The following TRAPPC12 variants were observed in gnomAD, a reference collection of about 807,000 sequenced individuals.
TRAPPC12 encodes TPR repeat protein 15.
In TRAPPC12, 61 loss-of-function variants were observed where a neutral mutation model predicts 69.2. The ratio of observed to expected loss-of-function variants is 0.88; its 90% CI spans 0.72 to 1.09. The LOEUF is 1.09. TRAPPC12 is among the 50% of genes least tolerant of loss of function. TRAPPC12 has a pLI of 0.00. For missense variants in TRAPPC12, 1,101 were observed against 1,016.4 expected (o/e 1.08, Z -1.13); for synonymous variants, 469 against 438.9 (o/e 1.07, Z -0.86).
At chr2:3,450,557 G>A (rs1187560703) in intron 6 of TRAPPC12, among the ~76,000 whole-genome samples, 1 of 152,168 alleles carries the variant, frequency 6.6e-6, no homozygotes, top group Non-Finnish European at 1.5e-5. Context: ...GGGTGGCGAG[G>A]GGGCGCACGT....
chr2:3,417,888 C>T (rs1662515085), intron 3 of TRAPPC12, among the ~76,000 whole-genome samples: 1 of 108,644 alleles, frequency 9.2e-6, no homozygotes, highest in Non-Finnish European at 1.8e-5. Context: ...ACTAAAAATA[C>T]AAACTTTAGC....
chr2:3,412,655 G>A (rs1662128838), intron 3 of TRAPPC12, among the ~76,000 whole-genome samples: 3 of 152,200 alleles, frequency 2.0e-5, no homozygotes, highest in South Asian at 2.1e-4. Flanking sequence ...GAGCAGGGGC[G>A]TGTGAGGGCT....
chr2:3,384,415 C>T (rs536104817), intron 1 of TRAPPC12, among the ~76,000 whole-genome samples: 4 of 152,168 alleles, frequency 2.6e-5, no homozygotes, highest in South Asian at 2.1e-4. Context: ...ATGCTTTAAA[C>T]GTTTCACTGT....
chr2:3,417,829 G>T (rs1662511584), intron 3 of TRAPPC12, among the ~76,000 whole-genome samples: 1 of 151,668 alleles, frequency 6.6e-6, no homozygotes, highest in Admixed American at 6.6e-5. Flanking sequence ...GATCACCGGA[G>T]GTCAGGAGCT....
At chr2:3,475,183 T>A (rs1175803732) in intron 9 of TRAPPC12, among the ~76,000 whole-genome samples, 1 of 152,186 alleles carries the variant, frequency 6.6e-6, no homozygotes, top group Admixed American at 6.5e-5. Context: ...GCAGAACTCC[T>A]GGGCTCAAGA....
chr2:3,397,405 A>C (rs1015510618), intron 2 of TRAPPC12, among the ~76,000 whole-genome samples: 5 of 152,086 alleles, frequency 3.3e-5, no homozygotes, highest in Non-Finnish European at 7.4e-5. Flanking sequence ...TTGCCAGCTC[A>C]CAGGACTCTG....
intron 3 of TRAPPC12, among the ~76,000 whole-genome samples, chr2:3,408,967 G>T (rs1318151288): frequency 1.3e-5 from 2 of 152,218 alleles, no homozygotes; most frequent in African/African-American, 4.8e-5. Flanking sequence ...GCCCGCTGCG[G>T]CACAGAGCTA....
chr2:3,387,293 G>C (rs1032222629), intron 1 of TRAPPC12, among the ~76,000 whole-genome samples: 4 of 152,012 alleles, frequency 2.6e-5, no homozygotes, highest in African/African-American at 9.7e-5. Context: ...GACAGTTATC[G>C]GGTGATTCCA....
chr2:3,438,989 G>C (rs955665463), intron 5 of TRAPPC12, among the ~76,000 whole-genome samples: 1 of 152,020 alleles, frequency 6.6e-6, no homozygotes, highest in East Asian at 1.9e-4. Context: ...GGATCTTATG[G>C]TAAAAGTATT....
At chr2:3,423,405 G>A (rs1242963163) in intron 4 of TRAPPC12, among the ~76,000 whole-genome samples, 1 of 151,974 alleles carries the variant, frequency 6.6e-6, no homozygotes, top group Admixed American at 6.6e-5. Flanking sequence ...CATTGTAACT[G>A]TGTCACCACG....
chr2:3,416,606 C>T (rs1267450176), intron 3 of TRAPPC12, among the ~76,000 whole-genome samples: 2 of 70,222 alleles, frequency 2.8e-5, no homozygotes. Context: ...TTCACTATGC[C>T]CTCCCCCTGC....
chr2:3,440,121 G>A (rs1259585047), intron 5 of TRAPPC12, among the ~76,000 whole-genome samples: 1 of 152,068 alleles, frequency 6.6e-6, no homozygotes, highest in East Asian at 1.9e-4. Context: ...TCTGTAAGGT[G>A]GGTAGTGTCA....
chr2:3,454,183 G>C, intron 6 of TRAPPC12, among the ~76,000 whole-genome samples: 1 of 152,244 alleles, frequency 6.6e-6, no homozygotes, highest in East Asian at 1.9e-4. Flanking sequence ...CTCTGCCCCA[G>C]CCAGGAGAGT....
chr2:3,470,189 C>G (rs1348464728), intron 9 of TRAPPC12, among the ~76,000 whole-genome samples: 1 of 152,270 alleles, frequency 6.6e-6, no homozygotes, highest in Non-Finnish European at 1.5e-5. Flanking sequence ...CCTGGCACTA[C>G]TGCAAGAACT....
At chr2:3,472,475 G>C (rs781397881) in intron 9 of TRAPPC12, 1 of 152,280 alleles carries the variant, frequency 6.6e-6, no homozygotes, top group Non-Finnish European at 1.5e-5. Context: ...CTGGCTGCCA[G>C]CCTGAGCCGT....
Position 3,409,750 on chromosome 2 carries a change from T to A in TRAPPC12, c.1164+7857T>A, listed in dbSNP as rs1243693127. Reference sequence around the variant, plus strand: ...GGGCAACAAAGCAAGACTTTGTCTTTAAAAAAAAAAAAAAAAAAAAAAAAA... The same window carrying A: ...GGGCAACAAAGCAAGACTTTGTCTTAAAAAAAAAAAAAAAAAAAAAAAAAA... On this transcript the variant is annotated intron_variant, in intron 3 of 11. Coordinates refer to ENST00000324266, the MANE Select transcript of TRAPPC12 (RefSeq NM_016030.6). 1.5e-3 allele frequency among the ~76,000 whole-genome samples: 85 copies of A among 54,894 alleles called. 1 individual carries two copies. The highest frequency in any genetic ancestry group is 0.011 in the East Asian group (23 of 2,190). 36.0% of individuals were successfully genotyped at this position (54,894 alleles called of 152,430 possible).
At chr2:3,418,312 G>A (rs529926043) in intron 3 of TRAPPC12, among the ~76,000 whole-genome samples, 2 of 151,750 alleles carry the variant, frequency 1.3e-5, no homozygotes, top group Non-Finnish European at 2.9e-5. Context: ...CCCCTGCTTT[G>A]TTATCACTGC....
At chr2:3,388,691 T>C in intron 2 of TRAPPC12, 21 bp downstream of exon 2, 1 of 1,512,732 alleles carries the variant, frequency 6.6e-7, no homozygotes, top group Non-Finnish European at 8.9e-7. Context: ...GTCTCCCACC[T>C]CCGCAGCCCG....
intron 5 of TRAPPC12, among the ~76,000 whole-genome samples, chr2:3,434,652 C>T (rs141654157): frequency 8.5e-5 from 13 of 152,278 alleles, no homozygotes; most frequent in African/African-American, 2.9e-4. Flanking sequence ...TTTAGGTTCC[C>T]ATTGAGGGAA....
Sources: gnomAD v4.1 joint callset for allele counts (sites outside exome capture counted in the v4.1 genomes callset) on GRCh38, gnomAD v4.1.1 for gene constraint, MANE v1.5 for transcripts, NCBI Gene and HGNC (gene_info 2026-07-23, HGNC 2026-07-21) for gene names.